EMCN: variants seen among roughly 807,000 people sequenced by gnomAD.
EMCN encodes the protein MUC-14.
Under a neutral mutation model 38.4 loss-of-function variants are expected in EMCN, and 37 were observed. The observed-to-expected ratio is 0.96, with a 90% CI of 0.74 to 1.27. The LOEUF is 1.27. Among genes scored for constraint, EMCN ranks in the 50% most tolerant of loss-of-function variants. The probability of loss-of-function intolerance (pLI) is 0.00; values close to 1 mark genes in which losing one functional copy is unlikely to be tolerated. For synonymous variants in EMCN, 95 were observed against 100.8 expected (o/e 0.94, Z 0.35); for missense variants, 318 against 302.8 (o/e 1.05, Z -0.37).
intron 5 of EMCN, among the ~76,000 whole-genome samples, chr4:100,439,600 G>T (rs1295978083): frequency 2.7e-5 from 4 of 149,460 alleles, no homozygotes; most frequent in African/African-American, 4.9e-5. Context: ...TAATTTTATT[G>T]ATTCTTCCTA....
chr4:100,484,989 T>C (rs1293882097), intron 1 of EMCN, among the ~76,000 whole-genome samples: 1 of 152,160 alleles, frequency 6.6e-6, no homozygotes, highest in African/African-American at 2.4e-5. Flanking sequence ...TCTGAGAACA[T>C]ATTTACTTGC....
intron 5 of EMCN, among the ~76,000 whole-genome samples, chr4:100,424,721 G>A (rs1354860962): frequency 6.6e-6 from 1 of 152,044 alleles, no homozygotes; most frequent in African/African-American, 2.4e-5. Context: ...AAATGAAAGA[G>A]TGGGAACTAG....
intron 3 of EMCN, among the ~76,000 whole-genome samples, chr4:100,470,387 A>AAAAC (rs796099595): frequency 4.0e-5 from 6 of 151,370 alleles, no homozygotes; most frequent in African/African-American, 7.3e-5. Context: ...TTAAAAAAAA[A>AAAAC]AACAGGTGCC....
intron 1 of EMCN, among the ~76,000 whole-genome samples, chr4:100,499,755 A>C (rs868136123): frequency 1.3e-5 from 2 of 152,330 alleles, no homozygotes; most frequent in South Asian, 2.1e-4. Flanking sequence ...ATTTAGTGGC[A>C]CAACAGATAA....
intron 5 of EMCN, among the ~76,000 whole-genome samples, chr4:100,445,531 T>C (rs1727645931): frequency 6.6e-6 from 1 of 152,208 alleles, no homozygotes; most frequent in Non-Finnish European, 1.5e-5. Flanking sequence ...TTGCTTATAT[T>C]TATAGAAAGG....
Position 100,475,067 on chromosome 4 carries a change from G to T in EMCN, c.230C>A (p.Thr77Lys). 6.5e-7 allele frequency: 1 copy of T among 1,539,702 alleles called. No homozygotes were observed. The highest frequency in any genetic ancestry group is 8.8e-7 in the Non-Finnish European group (1 of 1,133,222). ...ATCTTTACTTGTTAAAAAAGTAGCT[G>T]TTGACATCAGAGACATTTTAAGTAA... ...NELLKMSLMSTATFLTSKDEG... is the reference protein window; with the variant it reads ...NELLKMSLMSKATFLTSKDEG... The change falls in exon 3 of 12, where the codon ACA becomes AAA. Residue 77 changes from threonine to lysine, a missense_variant. Physicochemically the swap from Thr to Lys is moderately conservative, Grantham distance 78. Coordinates refer to ENST00000296420, the MANE Select transcript of EMCN (RefSeq NM_016242.4).
intron 4 of EMCN, 35 bp from the exon 5 acceptor site, chr4:100,447,606 A>G: frequency 7.2e-7 from 1 of 1,396,030 alleles, no homozygotes; most frequent in Non-Finnish European, 1.0e-6. Flanking sequence ...AATCAGTACA[A>G]TTAAATGTTG....
chr4:100,517,824 C>G, intron 1 of EMCN, 27 bp downstream of exon 1: 1 of 1,609,268 alleles, frequency 6.2e-7, no homozygotes, highest in Non-Finnish European at 8.5e-7. Flanking sequence ...CAATCCGTAC[C>G]ACCAGAGGAA....
intron 1 of EMCN, among the ~76,000 whole-genome samples, chr4:100,500,019 TA>T (rs1335135726): frequency 6.6e-6 from 1 of 152,150 alleles, no homozygotes; most frequent in African/African-American, 2.4e-5. Flanking sequence ...TTTTTGTTCA[TA>T]GGGGATTTGT....
chr4:100,471,392 C>T (rs947478924), intron 3 of EMCN, among the ~76,000 whole-genome samples: 1 of 151,432 alleles, frequency 6.6e-6, no homozygotes, highest in Non-Finnish European at 1.5e-5. Flanking sequence ...AAAACTGAGG[C>T]AAGAAGAAAT....
intron 1 of EMCN, among the ~76,000 whole-genome samples, chr4:100,482,290 G>C (rs1728829456): frequency 6.6e-6 from 1 of 151,922 alleles, no homozygotes; most frequent in African/African-American, 2.4e-5. Flanking sequence ...ATGAAGCTTT[G>C]GTATAGGTGT....
intron 1 of EMCN, among the ~76,000 whole-genome samples, chr4:100,509,415 A>G (rs1251692249): frequency 6.6e-6 from 1 of 152,206 alleles, no homozygotes; most frequent in Non-Finnish European, 1.5e-5. Flanking sequence ...GTGCATTTAA[A>G]AAAGGTGAGT....
At position 100,475,676 on chromosome 4, in the gene EMCN, T is replaced by G. The variant is rs1029397930; in HGVS notation, c.188-567A>C. Among the ~76,000 whole-genome samples, 873 of 124,374 alleles carry G rather than the reference T, an allele frequency of 7.0e-3. 11 individuals are homozygous for G. The highest frequency in any genetic ancestry group is 0.012 in the Non-Finnish European group (698 of 59,994). The allele number at this position is 124,374 out of a possible 152,430, so 81.6% of individuals were successfully genotyped here. A position where few individuals can be genotyped will look rare whatever the true frequency, so the allele number is the denominator to read the frequency against. ...TTCTAGTCCTTTTTTTTTTTTTTTT[T>G]TTTTTTTTTTTTTTTTTTGGAGACA... On this transcript the variant is annotated intron_variant, in intron 2 of 11. Transcript: ENST00000296420.
chr4:100,490,372 GA>G (rs1171516042), intron 1 of EMCN, among the ~76,000 whole-genome samples: 1 of 151,952 alleles, frequency 6.6e-6, no homozygotes, highest in African/African-American at 2.4e-5. Context: ...TATTAGTATA[GA>G]AAAAAATATT....
chr4:100,422,685 A>C (rs1726920701), intron 7 of EMCN, among the ~76,000 whole-genome samples: 1 of 151,946 alleles, frequency 6.6e-6, no homozygotes, highest in Non-Finnish European at 1.5e-5. Flanking sequence ...CTACCTGTGC[A>C]TTTTGACTTA....
chr4:100,489,169 C>T (rs1426661784), intron 1 of EMCN, among the ~76,000 whole-genome samples: 1 of 152,054 alleles, frequency 6.6e-6, no homozygotes, highest in Non-Finnish European at 1.5e-5. Flanking sequence ...CTTCCATGTT[C>T]TCTTTCTCTA....
At chr4:100,482,802 C>A (rs1334795047) in intron 1 of EMCN, among the ~76,000 whole-genome samples, 2 of 152,112 alleles carry the variant, frequency 1.3e-5, no homozygotes, top group Non-Finnish European at 2.9e-5. Context: ...CCAGTTGGAT[C>A]AAGCTGCAAG....
chr4:100,460,582 T>A (rs1312697447), intron 4 of EMCN, among the ~76,000 whole-genome samples: 1 of 152,078 alleles, frequency 6.6e-6, no homozygotes, highest in Admixed American at 6.6e-5. Context: ...AACCATCAGG[T>A]CTCATGAAAC....
intron 3 of EMCN, 122 bp downstream of exon 3, chr4:100,474,916 G>A: frequency 2.4e-6 from 1 of 411,630 alleles, no homozygotes; most frequent in Non-Finnish European, 4.4e-6. Context: ...TAATAGTGGT[G>A]GTGGCTGTAA....
Sources: allele counts gnomAD v4.1 joint callset (sites outside exome capture counted in the v4.1 genomes callset), GRCh38; gene constraint gnomAD v4.1.1; transcripts MANE v1.5; gene names NCBI Gene and HGNC (gene_info 2026-07-23, HGNC 2026-07-21).